Variants in CRB1 observed in about 807,000 individuals in gnomAD.
The protein encoded by CRB1 is protein crumbs homolog 1.
Under a neutral mutation model 120.0 loss-of-function variants are expected in CRB1, and 83 were observed. The observed-to-expected ratio is 0.69, with a 90% CI of 0.58 to 0.83. The LOEUF (loss-of-function observed/expected upper bound fraction) is 0.83, where lower values mean the gene tolerates loss of function less well. Among genes scored for constraint, CRB1 ranks in the 40% least tolerant of loss-of-function variants. The probability of loss-of-function intolerance (pLI) is 0.00; values close to 1 mark genes in which losing one functional copy is unlikely to be tolerated. For missense variants in CRB1, 1,699 were observed against 1,687.6 expected (o/e 1.01, Z -0.12); for synonymous variants, 625 against 612.5 (o/e 1.02, Z -0.30).
chr1:197,243,048 T>C, the CRB1 span, among the ~76,000 whole-genome samples: 1 of 152,138 alleles, frequency 6.6e-6, no homozygotes. Flanking sequence ...ATTGCATCTA[T>C]CTGATTCTTC....
intron 1 of CRB1, among the ~76,000 whole-genome samples, chr1:197,302,538 T>C (rs528930629): frequency 6.6e-6 from 1 of 152,228 alleles, no homozygotes; most frequent in African/African-American, 2.4e-5. Context: ...TAAAAAAGGC[T>C]AATATACACA....
the CRB1 span, among the ~76,000 whole-genome samples, chr1:197,248,315 G>A: frequency 6.6e-6 from 1 of 151,894 alleles, no homozygotes; most frequent in Non-Finnish European, 1.5e-5. Context: ...TAGTGGAAGC[G>A]CTAAGGCTCT....
At chr1:197,274,277 T>A (rs2125205168) in intron 1 of CRB1, among the ~76,000 whole-genome samples, 1 of 152,244 alleles carries the variant, frequency 6.6e-6, no homozygotes. Flanking sequence ...ACTTTAACTG[T>A]TTAGGTACAG....
rs142057392 is a variant in CRB1 at position 197,477,684 on chromosome 1, C to T, written c.4026C>T (p.Ser1342=). The change falls in exon 12 of 12, where the codon TCC becomes TCT. Residue 1342 remains serine, a synonymous_variant. Coordinates refer to ENST00000367400, the MANE Select transcript of CRB1 (RefSeq NM_201253.3). ...TCCAGTTGGCAGATGACTTGATCTC[C>T]GACATTTTCACCACTATTGGCTCAG... The part of the protein sequence containing the change: ...CEVDLADDLI[S]DIFTTIGSVT... The T allele has an allele frequency of 2.0e-5, 33 of 1,613,652 alleles. No homozygotes were observed. Among genetic ancestry groups the T allele is most frequent in the South Asian group, 6.6e-5 (6 of 91,076 alleles).
At chr1:197,306,630 G>A (rs955225166) in intron 1 of CRB1, among the ~76,000 whole-genome samples, 3 of 152,130 alleles carry the variant, frequency 2.0e-5, no homozygotes, top group African/African-American at 7.2e-5. Flanking sequence ...TGTGCTGAGA[G>A]CAAGACTTAG....
the CRB1 span, among the ~76,000 whole-genome samples, chr1:197,237,006 G>T: frequency 6.6e-6 from 1 of 151,368 alleles, no homozygotes. Flanking sequence ...TTCTTTACCT[G>T]TTTTAGGCAT....
intron 5 of CRB1, among the ~76,000 whole-genome samples, chr1:197,403,511 C>T (rs536008951): frequency 7.2e-5 from 11 of 152,246 alleles, no homozygotes; most frequent in African/African-American, 2.6e-4. Context: ...TTGCAACCAT[C>T]CTATAACTTC....
chr1:197,315,483 T>C (rs1657785277), intron 1 of CRB1, among the ~76,000 whole-genome samples: 1 of 152,170 alleles, frequency 6.6e-6, no homozygotes, highest in African/African-American at 2.4e-5. Flanking sequence ...AAAACTAAAA[T>C]AAACAGATGG....
At chr1:197,332,500 T>G (rs1317992010) in intron 2 of CRB1, among the ~76,000 whole-genome samples, 1 of 152,154 alleles carries the variant, frequency 6.6e-6, no homozygotes, top group East Asian at 1.9e-4. Flanking sequence ...AAGAGACTCA[T>G]AAGGCAGATA....
intron 1 of CRB1, among the ~76,000 whole-genome samples, chr1:197,279,802 T>A (rs2125216675): frequency 6.6e-6 from 1 of 151,700 alleles, no homozygotes; most frequent in East Asian, 2.0e-4. Flanking sequence ...ATTCTCATAT[T>A]CCTTGTTTTT....
intron 1 of CRB1, among the ~76,000 whole-genome samples, chr1:197,296,375 G>T (rs1245269920): frequency 6.6e-6 from 1 of 151,994 alleles, no homozygotes; most frequent in South Asian, 2.1e-4. Context: ...CATGGTAAAT[G>T]ATTTAAAAAG....
chr1:197,258,984 A>G, the CRB1 span, among the ~76,000 whole-genome samples: 1 of 152,202 alleles, frequency 6.6e-6, no homozygotes, highest in Non-Finnish European at 1.5e-5. Flanking sequence ...TTTACAATAA[A>G]TGTAATCCCC....
At chr1:197,344,173 A>G (rs1659631563) in intron 2 of CRB1, 108 bp from the exon 3 acceptor site, 1 of 1,099,608 alleles carries the variant, frequency 9.1e-7, no homozygotes, top group Non-Finnish European at 1.4e-6. Context: ...ATTTTGGGTA[A>G]CAGAACATTT....
chr1:197,432,716 T>A (rs959134299), intron 8 of CRB1, among the ~76,000 whole-genome samples: 2 of 151,998 alleles, frequency 1.3e-5, no homozygotes, highest in African/African-American at 4.8e-5. Context: ...TAAACGTAAT[T>A]TTAAGTGGTA....
chr1:197,376,733 C>T (rs1181070641), intron 5 of CRB1, among the ~76,000 whole-genome samples: 1 of 152,178 alleles, frequency 6.6e-6, no homozygotes, highest in Admixed American at 6.5e-5. Context: ...TAAATCAGTT[C>T]TCCACACAGC....
At chr1:197,420,973 T>C (rs775266409) in intron 5 of CRB1, 27 bp from the exon 6 acceptor site, 7 of 1,330,470 alleles carry the variant, frequency 5.3e-6, no homozygotes, top group Admixed American at 1.7e-5. Flanking sequence ...ATATATATAA[T>C]TTTAGCCCTT....
intron 4 of CRB1, among the ~76,000 whole-genome samples, chr1:197,354,540 T>C (rs1660321809): frequency 6.6e-6 from 1 of 152,096 alleles, no homozygotes; most frequent in Non-Finnish European, 1.5e-5. Flanking sequence ...ACCTTTGCAG[T>C]GAGTGTTACA....
Position 197,427,733 on chromosome 1 carries a change from A to G in CRB1, c.2408A>G (p.Tyr803Cys), listed in dbSNP as rs760493683. The part of the protein sequence containing the change: ...VHLISLKIKP[Y>C]KIELYQSSQN... The stretch of plus-strand genomic sequence containing the variant: ...TTGATATCTTTGAAAATCAAGCCAT[A>G]TAAAATTGAACTGTATCAGTCTTCA... Residue 803 changes from tyrosine to cysteine, a missense_variant, in exon 7 of 12, where the codon TAT becomes TGT. Tyr to Cys is a radical substitution (Grantham distance 194). Coordinates refer to ENST00000367400, the MANE Select transcript of CRB1 (RefSeq NM_201253.3). 1.9e-5 allele frequency: 31 copies of G among 1,613,886 alleles called. No homozygotes were observed. The South Asian group carries it at 2.9e-4, about 15-fold the overall frequency.
At chr1:197,389,794 C>A (rs1662403309) in intron 5 of CRB1, among the ~76,000 whole-genome samples, 1 of 152,000 alleles carries the variant, frequency 6.6e-6, no homozygotes, top group Non-Finnish European at 1.5e-5. Flanking sequence ...GGCATGTCTT[C>A]AATCTTTTTA....
Sources: allele counts gnomAD v4.1 joint callset (sites outside exome capture counted in the v4.1 genomes callset), GRCh38; gene constraint gnomAD v4.1.1; transcripts MANE v1.5; gene names NCBI Gene and HGNC (gene_info 2026-07-23, HGNC 2026-07-21).